The following CHKA variants were observed in gnomAD, a reference collection of about 807,000 sequenced individuals.
CHKA encodes the protein CHETK-alpha.
A neutral mutation model predicts 60.1 loss-of-function variants in CHKA; 34 were observed. That is an observed-to-expected ratio of 0.57 (90% CI 0.43 to 0.75). The LOEUF is 0.75. Ranked by LOEUF, CHKA falls within the 30% of genes least tolerant of loss-of-function variation. CHKA has a pLI of 0.00. For missense variants in CHKA, 563 were observed against 561.3 expected (o/e 1.00, Z -0.03); for synonymous variants, 217 against 223.1 (o/e 0.97, Z 0.24).
At chr11:68,068,033 G>C (rs1565175248) in intron 7 of CHKA, among the ~76,000 whole-genome samples, 1 of 152,200 alleles carries the variant, frequency 6.6e-6, no homozygotes, top group Non-Finnish European at 1.5e-5. Flanking sequence ...CTGCATAGTG[G>C]GGGGCCTCTG....
rs531194015 is a variant in CHKA at position 68,098,464 on chromosome 11, C to T, written c.351-1334G>A. Among the ~76,000 whole-genome samples the T allele has an allele frequency of 1.7e-4, 26 of 151,900 alleles. No homozygotes were observed. In the South Asian group the frequency reaches 4.8e-3, roughly 28 times the overall value. On this transcript the variant is annotated intron_variant, in intron 1 of 11. Transcript: ENST00000265689. The stretch of plus-strand genomic sequence containing the variant: ...CTTAAAACTGAAAACAGATTCTGAT[C>T]GAGCTCATTAATTTTTAAAAATAAG...
At chr11:68,096,183 G>A (rs1426040865) in intron 2 of CHKA, among the ~76,000 whole-genome samples, 4 of 151,718 alleles carry the variant, frequency 2.6e-5, no homozygotes, top group Non-Finnish European at 4.4e-5. Context: ...GACCAACATG[G>A]TGAAACCCCG....
intron 1 of CHKA, among the ~76,000 whole-genome samples, chr11:68,101,098 C>T (rs1339951846): frequency 6.6e-6 from 1 of 151,804 alleles, no homozygotes; most frequent in Non-Finnish European, 1.5e-5. Flanking sequence ...CAGGCGCCCA[C>T]CACCACACCG....
Position 68,120,996 on chromosome 11 carries a change from G to C in CHKA, c.182C>G (p.Pro61Arg). ...CAGCGGCAGCGGCAGCGGCAGCGGC[G>C]GCGGAGGGGGCAGCGCGAGCGGCGG... ...QQPPLALPPP[P>R]PLPLPLPLPQ... is the part of the protein sequence containing the mutation. The change falls in exon 1 of 12, where the codon CCG becomes CGG. Residue 61 changes from proline to arginine, a missense_variant. Transcript: ENST00000265689. 1 of 1,115,746 alleles carries C rather than the reference G, an allele frequency of 9.0e-7. No homozygotes were observed. The highest frequency in any genetic ancestry group is 1.1e-6 in the Non-Finnish European group (1 of 913,186). The allele number at this position is 1,115,746 out of a possible 1,614,324, so 69.1% of individuals were successfully genotyped here.
In CHKA at chr11:68,053,181, A is replaced by G. The variant is rs1429310948; in HGVS notation, c.*807T>C. On this transcript the variant is annotated 3_prime_UTR_variant, in exon 12 of 12. Coordinates refer to ENST00000265689, the MANE Select transcript of CHKA (RefSeq NM_001277.3). Reference sequence around the variant, plus strand: ...CACTCCAGGCAGAGCAGAGGGCAGGAGAGGCCCAAAGAGCTAGGTCAAGCA... The same window carrying G: ...CACTCCAGGCAGAGCAGAGGGCAGGGGAGGCCCAAAGAGCTAGGTCAAGCA... 6.3e-6 allele frequency: 1 copy of G among 157,534 alleles called. No individual in the cohort carries two copies. The highest frequency in any genetic ancestry group is 1.4e-5 in the Non-Finnish European group (1 of 70,826). The allele number at this position is 157,534 out of a possible 1,614,324, so 9.8% of individuals were successfully genotyped here. A position where few individuals can be genotyped will look rare whatever the true frequency, so the allele number is the denominator to read the frequency against.
At chr11:68,087,805 A>G (rs1188355073) in intron 2 of CHKA, among the ~76,000 whole-genome samples, 1 of 152,176 alleles carries the variant, frequency 6.6e-6, no homozygotes, top group African/African-American at 2.4e-5. Context: ...TTTGAGACCT[A>G]TAAATAAATA....
chr11:68,100,656 C>T (rs1418183333), intron 1 of CHKA, among the ~76,000 whole-genome samples: 1 of 150,474 alleles, frequency 6.6e-6, no homozygotes, highest in Non-Finnish European at 1.5e-5. Flanking sequence ...ACATCATCTC[C>T]AATAAATAAA....
intron 1 of CHKA, among the ~76,000 whole-genome samples, chr11:68,111,994 G>A (rs533245188): frequency 1.9e-4 from 27 of 140,952 alleles, no homozygotes; most frequent in Non-Finnish European, 3.2e-4. Flanking sequence ...TGGAGGTTGC[G>A]GTGAGCCGAG....
intron 10 of CHKA, among the ~76,000 whole-genome samples, chr11:68,064,010 C>T (rs1856347526): frequency 6.6e-6 from 1 of 152,188 alleles, no homozygotes; most frequent in Admixed American, 6.5e-5. Flanking sequence ...TATACTTTGC[C>T]TGCTGTATGC....
chr11:68,077,368 C>T (rs1366525411), intron 3 of CHKA, among the ~76,000 whole-genome samples: 3 of 152,194 alleles, frequency 2.0e-5, no homozygotes, highest in Non-Finnish European at 4.4e-5. Flanking sequence ...TGTCTCCAGG[C>T]ACCTTCCTGA....
intron 1 of CHKA, among the ~76,000 whole-genome samples, chr11:68,104,014 T>C (rs1327072640): frequency 6.7e-6 from 1 of 149,058 alleles, no homozygotes; most frequent in Non-Finnish European, 1.5e-5. Context: ...AATCAGTACA[T>C]CAGACATCTA....
intron 1 of CHKA, among the ~76,000 whole-genome samples, chr11:68,118,754 T>C (rs1858490920): frequency 6.6e-6 from 1 of 152,200 alleles, no homozygotes; most frequent in Non-Finnish European, 1.5e-5. Context: ...AAAGGAAAGC[T>C]GTGTTTTCCA....
Position 68,070,801 on chromosome 11 carries a change from G to T in CHKA, c.687C>A (p.Ala229=), listed in dbSNP as rs201285000. 7 of 1,612,548 alleles carry T rather than the reference G, an allele frequency of 4.3e-6. No homozygotes were observed. Among genetic ancestry groups the T allele is most frequent in the Non-Finnish European group, 5.9e-6 (7 of 1,178,892 alleles). Residue 229 remains alanine, a synonymous_variant, in exon 5 of 12, where the codon GCC becomes GCA. Coordinates refer to ENST00000265689, the MANE Select transcript of CHKA (RefSeq NM_001277.3). The part of the protein sequence containing the change: ...LSLPDISAEI[A]EKMATFHGMK... ...TACCATGAAATGTAGCCATTTTCTC[G>T]GCGATTTCTGCAGAAATATCTGGCA...
intron 7 of CHKA, among the ~76,000 whole-genome samples, chr11:68,067,787 G>A (rs1044731094): frequency 1.3e-5 from 2 of 152,206 alleles, no homozygotes; most frequent in African/African-American, 4.8e-5. Context: ...CAAAGCTGTA[G>A]CTGTAATGTC....
intron 2 of CHKA, among the ~76,000 whole-genome samples, chr11:68,094,281 C>A (rs1290976894): frequency 6.6e-5 from 10 of 152,198 alleles, no homozygotes; most frequent in Non-Finnish European, 1.5e-4. Context: ...GTGGTTCATG[C>A]CTGTAATCCT....
intron 2 of CHKA, among the ~76,000 whole-genome samples, chr11:68,090,864 T>C (rs1320291552): frequency 1.3e-5 from 2 of 152,172 alleles, no homozygotes; most frequent in Admixed American, 1.3e-4. Flanking sequence ...TCTCCACTCA[T>C]GCACAGAAGG....
At position 68,070,807 on chromosome 11, in the gene CHKA, T is replaced by C; in HGVS notation, c.681A>G (p.Glu227=). The change falls in exon 5 of 12, where the codon GAA becomes GAG. Residue 227 remains glutamate (E), a synonymous_variant. Coordinates refer to ENST00000265689, the MANE Select transcript of CHKA (RefSeq NM_001277.3). ...GAAATGTAGCCATTTTCTCGGCGAT[T>C]TCTGCAGAAATATCTGGCAAACTTA... ...EELSLPDISA[E]IAEKMATFHG... The C allele has an allele frequency of 6.2e-7, 1 of 1,613,196 alleles. No individual in the cohort carries two copies. Among genetic ancestry groups the C allele is most frequent in the Non-Finnish European group, 8.5e-7 (1 of 1,179,178 alleles).
intron 6 of CHKA, among the ~76,000 whole-genome samples, chr11:68,069,377 CTGAG>C (rs1458095583): frequency 1.3e-5 from 2 of 152,116 alleles, no homozygotes; most frequent in African/African-American, 4.8e-5. Flanking sequence ...AGGCACAAAC[CTGAG>C]TAATTAAAGG....
In CHKA at chr11:68,121,356, G is replaced by T. The variant is rs991224406; in HGVS notation, c.-179C>A. Reference sequence around the variant, plus strand: ...GGCGACTGCGGCGACTGTGGAGCGGGGATGTGCTGCTGGCCGCTGCACTCG... The same window carrying T: ...GGCGACTGCGGCGACTGTGGAGCGGTGATGTGCTGCTGGCCGCTGCACTCG... On this transcript the variant is annotated 5_prime_UTR_variant, in exon 1 of 12. Coordinates refer to ENST00000265689, the MANE Select transcript of CHKA (RefSeq NM_001277.3). 1 of 267,626 alleles carries T rather than the reference G, an allele frequency of 3.7e-6. No individual in the cohort carries two copies. The highest frequency in any genetic ancestry group is 1.3e-4 in the South Asian group (1 of 7,642). 16.6% of individuals were successfully genotyped at this position (267,626 alleles called of 1,614,324 possible).
Sources: gnomAD v4.1 joint callset for allele counts (sites outside exome capture counted in the v4.1 genomes callset) on GRCh38, gnomAD v4.1.1 for gene constraint, MANE v1.5 for transcripts, NCBI Gene and HGNC (gene_info 2026-07-23, HGNC 2026-07-21) for gene names.